DNMBP: variants seen among roughly 807,000 people sequenced by gnomAD.
DNMBP encodes dynamin binding protein, also known as dynamin-binding protein.
DNMBP carries 87 observed loss-of-function variants against 150.0 expected under a neutral mutation model. The observed-to-expected ratio is 0.58, with a 90% confidence interval of 0.49 to 0.69. DNMBP has a LOEUF of 0.69. DNMBP is among the 30% of genes least tolerant of loss of function. DNMBP has a pLI of 0.00. For synonymous variants in DNMBP, 711 were observed against 750.4 expected, an observed-to-expected ratio of 0.95 and a Z score of 0.86; for missense variants, 1,774 against 1,949.0, an observed-to-expected ratio of 0.91 and a Z score of 1.69.
intron 1 of DNMBP, among the ~76,000 whole-genome samples, chr10:99,996,349 C>T (rs1173936891): frequency 3.9e-5 from 6 of 151,932 alleles, no homozygotes; most frequent in African/African-American, 1.5e-4. Flanking sequence ...GGCGAAACCC[C>T]GTCTCTACTA....
At chr10:100,001,163 G>A (rs2041006377) in intron 1 of DNMBP, among the ~76,000 whole-genome samples, 1 of 136,698 alleles carries the variant, frequency 7.3e-6, no homozygotes, top group Non-Finnish European at 1.5e-5. Flanking sequence ...CCCAGGAGGT[G>A]GAGGTTGCAG....
At chr10:99,980,087 G>T (rs2040766253) in intron 1 of DNMBP, among the ~76,000 whole-genome samples, 1 of 152,132 alleles carries the variant, frequency 6.6e-6, no homozygotes, top group Admixed American at 6.6e-5. Context: ...ACATTGGACT[G>T]GACATGTAAA....
intron 1 of DNMBP, among the ~76,000 whole-genome samples, chr10:99,989,273 G>GA (rs2040861089): frequency 6.6e-6 from 1 of 152,216 alleles, no homozygotes; most frequent in Non-Finnish European, 1.5e-5. Flanking sequence ...ACTTGGAGTG[G>GA]AGTGGAGATG....
At chr10:99,980,748 T>G (rs547256931) in intron 1 of DNMBP, among the ~76,000 whole-genome samples, 2 of 132,014 alleles carry the variant, frequency 1.5e-5, no homozygotes, top group South Asian at 4.7e-4. Flanking sequence ...GAGGCTGCCA[T>G]GAACAGTGTT....
At chr10:99,877,489 T>C (rs2039295131) in intron 16 of DNMBP, among the ~76,000 whole-genome samples, 153 bp from the exon 17 acceptor site, 1 of 152,162 alleles carries the variant, frequency 6.6e-6, no homozygotes, top group South Asian at 2.1e-4. Context: ...ACTGAATTTT[T>C]AATCTTATTT....
At chr10:99,990,838 C>T (rs193123838) in intron 1 of DNMBP, among the ~76,000 whole-genome samples, 11 of 40,652 alleles carry the variant, frequency 2.7e-4, no homozygotes, top group East Asian at 9.8e-4. Flanking sequence ...TATACATATA[C>T]ACACACACAC....
At chr10:99,934,679 C>T (rs2040204580) in intron 4 of DNMBP, among the ~76,000 whole-genome samples, 1 of 135,738 alleles carries the variant, frequency 7.4e-6, no homozygotes, top group Non-Finnish European at 1.6e-5. Context: ...GATGGTAAAA[C>T]TGGTACATTT....
At chr10:99,933,426 T>C (rs2040183203) in intron 4 of DNMBP, among the ~76,000 whole-genome samples, 1 of 152,214 alleles carries the variant, frequency 6.6e-6, no homozygotes, top group Non-Finnish European at 1.5e-5. Flanking sequence ...AAATAACCAA[T>C]AAAATAGCAA....
chr10:99,912,694 T>C (rs1447975814), intron 4 of DNMBP, among the ~76,000 whole-genome samples: 1 of 152,056 alleles, frequency 6.6e-6, no homozygotes, highest in Non-Finnish European at 1.5e-5. Context: ...CCCTCCTCTT[T>C]CTCTTCCTCT....
intron 6 of DNMBP, 79 bp from the exon 7 acceptor site, chr10:99,900,145 C>T: frequency 1.4e-6 from 2 of 1,455,710 alleles, no homozygotes; most frequent in Non-Finnish European, 1.9e-6. Context: ...CACAGCCAAA[C>T]TTTAGTACCA....
At chr10:99,991,995 T>C (rs112074840) in intron 1 of DNMBP, among the ~76,000 whole-genome samples, 7,757 of 123,990 alleles carry the variant, frequency 0.063, 227 homozygotes, top group African/African-American at 0.11. Context: ...CTCACCACTT[T>C]AGGAGGCCAA....
At chr10:99,924,303 C>T (rs866469967) in intron 4 of DNMBP, among the ~76,000 whole-genome samples, 16 of 151,982 alleles carry the variant, frequency 1.1e-4, no homozygotes, top group Middle Eastern at 3.4e-3. Flanking sequence ...ATTAGCCAGG[C>T]GTGGTGGCGG....
Position 99,956,823 on chromosome 10 carries a change from T to G in DNMBP, c.651A>C (p.Gln217His), listed in dbSNP as rs142168168. 1.2e-6 allele frequency: 2 copies of G among 1,614,106 alleles called. No homozygotes were observed. The highest frequency in any genetic ancestry group is 1.7e-6 in the Non-Finnish European group (2 of 1,180,038). Residue 217 changes from glutamine (Q) to histidine (H), a missense_variant, in exon 4 of 17, where the codon CAA becomes CAC. Gln to His is a conservative substitution (Grantham distance 24). Around this residue, in one of 2 missense-constraint regions of DNMBP, gnomAD observed 344 missense variants for 456.6 expected, o/e 0.75. Coordinates refer to ENST00000324109, the MANE Select transcript of DNMBP (RefSeq NM_015221.4). ...TVDESVSSGNQDDCIVNGEVD... is the reference protein window; with the variant it reads ...TVDESVSSGNHDDCIVNGEVD... ...CTTCACCATTAACAATGCAGTCATC[T>G]TGATTTCCAGAACTTACTGACTCAT... is the stretch of plus-strand genomic sequence containing the variant.
At chr10:99,917,290 G>A (rs1358629776) in intron 4 of DNMBP, among the ~76,000 whole-genome samples, 2 of 152,234 alleles carry the variant, frequency 1.3e-5, no homozygotes, top group Non-Finnish European at 2.9e-5. Flanking sequence ...CTGGGAGATG[G>A]AGGTTGCAGT....
Position 99,876,669 on chromosome 10 carries a change from A to C in DNMBP, c.*482T>G, listed in dbSNP as rs1247267803. On this transcript the variant is annotated 3_prime_UTR_variant, in exon 17 of 17. Transcript: ENST00000324109. ...GCACTAGGTTTGGTTCAATCCCGACAAACTCCCAGCCATGTGCAAGCACTG... is the reference window on the plus strand; with the variant it reads ...GCACTAGGTTTGGTTCAATCCCGACCAACTCCCAGCCATGTGCAAGCACTG... 1 of 152,878 alleles carries C rather than the reference A, an allele frequency of 6.5e-6. No individual in the cohort carries two copies. The highest frequency in any genetic ancestry group is 1.5e-5 in the Non-Finnish European group (1 of 68,554). 9.5% of individuals were successfully genotyped at this position (152,878 alleles called of 1,614,324 possible).
In DNMBP at chr10:99,914,065, T is replaced by C; in HGVS notation, c.2261-4919A>G. ...CCACAACCCCCCAAACTCCTTTGAA[T>C]AGGGTCGGCATTTCCCCCAGGCTTC... On this transcript the variant is annotated intron_variant, in intron 4 of 16. Transcript: ENST00000324109. The C allele has an allele frequency of 4.1e-6, 6 of 1,450,412 alleles. No homozygotes were observed. In the South Asian group the frequency reaches 4.3e-5, roughly 10 times the overall value. 89.8% of individuals were successfully genotyped at this position (1,450,412 alleles called of 1,614,324 possible). A position where few individuals can be genotyped will look rare whatever the true frequency, so the allele number is the denominator to read the frequency against.
In DNMBP at chr10:99,937,090, C is replaced by T. The variant is rs564648371; in HGVS notation, c.2260+18124G>A. Among the ~76,000 whole-genome samples the T allele has an allele frequency of 3.9e-5, 6 of 152,090 alleles. No individual in the cohort carries two copies. The South Asian group carries it at 8.3e-4, about 21-fold the overall frequency. ...TAATTTTTATATTTTTCAGTAGAGA[C>T]GGGGTTTCACCATGTTGGCCAGGCT... On this transcript the variant is annotated intron_variant, in intron 4 of 16. Coordinates refer to ENST00000324109, the MANE Select transcript of DNMBP (RefSeq NM_015221.4).
At chr10:99,900,116 G>A (rs1280814369) in intron 6 of DNMBP, 50 bp from the exon 7 acceptor site, 1 of 1,605,380 alleles carries the variant, frequency 6.2e-7, no homozygotes. Flanking sequence ...TTTCTTCTCA[G>A]TATACTAAAT....
At chr10:99,972,179 A>G in intron 1 of DNMBP, 45 bp from the exon 2 acceptor site, 1 of 1,499,458 alleles carries the variant, frequency 6.7e-7, no homozygotes, top group Non-Finnish European at 9.1e-7. Context: ...AATATTTAAG[A>G]CACTGCAATA....
Sources: gnomAD v4.1 joint callset for allele counts (sites outside exome capture counted in the v4.1 genomes callset) on GRCh38, gnomAD v4.1.1 for gene constraint, gnomAD v4.1.1 regional missense constraint, MANE v1.5 for transcripts, NCBI Gene and HGNC (gene_info 2026-07-23, HGNC 2026-07-21) for gene names.